The following PPRC1 variants were observed in gnomAD, a reference collection of about 807,000 sequenced individuals.
PPRC1 encodes PPARG related coactivator 1.
In PPRC1, 23 loss-of-function variants were observed where a neutral mutation model predicts 132.5. That is an observed-to-expected ratio of 0.17 (90% CI 0.12 to 0.25). PPRC1 has a LOEUF of 0.25. PPRC1 is among the 10% of genes least tolerant of loss of function. PPRC1 has a pLI of 1.00. For missense variants in PPRC1, 2,006 were observed against 2,089.1 expected (o/e 0.96, Z 0.78); for synonymous variants, 872 against 833.5 (o/e 1.05, Z -0.80).
At chr10:102,126,185 A>T in the PPRC1 span, among the ~76,000 whole-genome samples, 1 of 152,046 alleles carries the variant, frequency 6.6e-6, no homozygotes, top group African/African-American at 2.4e-5. Flanking sequence ...TCTTTCAAGG[A>T]TGAATCTTGA....
chr10:102,129,706 C>T (rs575548082), upstream of PPRC1, among the ~76,000 whole-genome samples: 2 of 152,208 alleles, frequency 1.3e-5, no homozygotes, highest in East Asian at 3.9e-4. Flanking sequence ...CGGGTTCAAG[C>T]GATTCTCCCT....
intron 8 of PPRC1, among the ~76,000 whole-genome samples, chr10:102,146,188 G>A (rs987357429): frequency 6.6e-6 from 1 of 152,202 alleles, no homozygotes; most frequent in African/African-American, 2.4e-5. Flanking sequence ...TTGGGACCTC[G>A]AATGCCATAT....
chr10:102,142,514 G>T (rs993322290), intron 5 of PPRC1, among the ~76,000 whole-genome samples: 1 of 141,802 alleles, frequency 7.1e-6, no homozygotes, highest in Non-Finnish European at 1.5e-5. Context: ...CGCCTCCCGG[G>T]TTCAAGCGAT....
upstream of PPRC1, among the ~76,000 whole-genome samples, chr10:102,128,598 A>C (rs920988550): frequency 2.0e-5 from 3 of 151,244 alleles, no homozygotes; most frequent in Non-Finnish European, 4.4e-5. Context: ...CCCTAAGCCC[A>C]CAGCTGCAGT....
chr10:102,146,761 A>G lies in PPRC1; in HGVS notation c.3769A>G (p.Thr1257Ala). Reference sequence around the variant, plus strand: ...GGCCAAAGCCAAATCTCCTAAGTCCACCGCCCAGGAGGGAACCCTGAAGCC... The same window carrying G: ...GGCCAAAGCCAAATCTCCTAAGTCCGCCGCCCAGGAGGGAACCCTGAAGCC... ...LLAKAKSPKSTAQEGTLKPEG... is the reference protein window; with the variant it reads ...LLAKAKSPKSAAQEGTLKPEG... Residue 1257 changes from threonine to alanine, a missense_variant, in exon 9 of 14, where the codon ACC (threonine) becomes GCC (alanine). Around this residue, in one of 2 missense-constraint regions of PPRC1, gnomAD observed 1,914 missense variants for 1,917.2 expected, o/e 1.00. Coordinates refer to ENST00000278070, the MANE Select transcript of PPRC1 (RefSeq NM_015062.5). The G allele has an allele frequency of 6.2e-7, 1 of 1,613,742 alleles. No individual in the cohort carries two copies. Among genetic ancestry groups the G allele is most frequent in the Non-Finnish European group, 8.5e-7 (1 of 1,179,918 alleles).
Position 102,148,966 on chromosome 10 carries a change from T to C in PPRC1, c.4739+28T>C, listed in dbSNP as rs1393112735. On this transcript the variant is annotated intron_variant, in intron 12 of 13. Coordinates refer to ENST00000278070, the MANE Select transcript of PPRC1 (RefSeq NM_015062.5). This position sits in a 1 kb window ranked among gnomAD's most constrained non-coding sequence, Gnocchi z 4.2. ...AAGCTTGGGCCCCAGGCTCAGGATG[T>C]TCTTTCTATCCCATTCATCTACCTT... The C allele has an allele frequency of 6.2e-7, 1 of 1,611,482 alleles. No homozygotes were observed. Among genetic ancestry groups the C allele is most frequent in the African/African-American group, 1.3e-5 (1 of 74,676 alleles).
At chr10:102,132,594 A>G (rs1590308581), upstream of PPRC1, among the ~76,000 whole-genome samples, 1 of 152,224 alleles carries the variant, frequency 6.6e-6, no homozygotes, top group Admixed American at 6.5e-5. Flanking sequence ...GCAATATGGG[A>G]TTAGGTGAGG....
At position 102,148,541 on chromosome 10, in the gene PPRC1, G is replaced by C; in HGVS notation, c.4550+20G>C. On this transcript the variant is annotated intron_variant, in intron 10 of 13. Transcript: ENST00000278070. The surrounding 1 kb of genome is among the most constrained non-coding windows in gnomAD (Gnocchi z 4.2). Reference sequence around the variant, plus strand: ...GCGGCGGTGAGCATGTGTTCAGGGAGCGCCATGCACCTGGGATGCAGGTGC... The same window carrying C: ...GCGGCGGTGAGCATGTGTTCAGGGACCGCCATGCACCTGGGATGCAGGTGC... The C allele has an allele frequency of 6.2e-7, 1 of 1,612,526 alleles. No homozygotes were observed. Among genetic ancestry groups the C allele is most frequent in the Non-Finnish European group, 8.5e-7 (1 of 1,178,494 alleles).
At chr10:102,138,437 C>T (rs1471582704) in intron 2 of PPRC1, among the ~76,000 whole-genome samples, 182 bp from the exon 3 acceptor site, 1 of 152,180 alleles carries the variant, frequency 6.6e-6, no homozygotes, top group Non-Finnish European at 1.5e-5. Context: ...TCTCTGTTGA[C>T]ACCAAGAGCT....
At chr10:102,138,197 T>C (rs530457663) in intron 2 of PPRC1, among the ~76,000 whole-genome samples, 159 bp downstream of exon 2, 29 of 152,334 alleles carry the variant, frequency 1.9e-4, no homozygotes, top group Admixed American at 1.4e-3. Flanking sequence ...AAGTGGGAAT[T>C]AGGCTGCAGG....
upstream of PPRC1, among the ~76,000 whole-genome samples, chr10:102,129,840 G>T (rs1411137038): frequency 6.6e-6 from 1 of 151,956 alleles, no homozygotes; most frequent in Non-Finnish European, 1.5e-5. Context: ...CCTGACCTCG[G>T]TGATCCGCCT....
At chr10:102,124,148 C>G in the PPRC1 span, among the ~76,000 whole-genome samples, 4 of 151,916 alleles carry the variant, frequency 2.6e-5, no homozygotes, top group African/African-American at 9.7e-5. Context: ...TCACTGCAAC[C>G]GCCGCCTCCC....
Position 102,141,187 on chromosome 10 carries a change from C to T in PPRC1, c.2679C>T (p.Pro893=). 6.2e-7 allele frequency: 1 copy of T among 1,614,068 alleles called. No homozygotes were observed. Among genetic ancestry groups the T allele is most frequent in the Non-Finnish European group, 8.5e-7 (1 of 1,179,952 alleles). The change falls in exon 5 of 14, where the codon CCC becomes CCT. Residue 893 remains proline (P), a synonymous_variant. Coordinates refer to ENST00000278070, the MANE Select transcript of PPRC1 (RefSeq NM_015062.5). ...GGCTTGGCATGCCCCCCAGTCTGCC[C>T]CCACCTCCCTTGCAGCCTCCTAGTC... ...AGGLGMPPSL[P]PPPLQPPSLP...
chr10:102,142,932 C>A, intron 5 of PPRC1, 113 bp from the exon 6 acceptor site: 1 of 899,734 alleles, frequency 1.1e-6, no homozygotes, highest in Non-Finnish European at 1.7e-6. Context: ...TCACTTAGTA[C>A]AGAGGGCAGG....
Position 102,139,143 on chromosome 10 carries a change from C to T in PPRC1, c.635C>T (p.Pro212Leu), listed in dbSNP as rs757888892. 5 of 1,612,002 alleles carry T rather than the reference C, an allele frequency of 3.1e-6. No homozygotes were observed. Among genetic ancestry groups the T allele is most frequent in the South Asian group, 2.2e-5 (2 of 90,926 alleles). Residue 212 changes from proline (P) to leucine (L), a missense_variant, in exon 5 of 14, where the codon CCC becomes CTC. By Grantham distance (98) the Pro-to-Leu change is moderately conservative. This residue lies in a region of PPRC1 where 1,914 missense variants were observed against 1,917.2 expected (regional missense o/e 1.00). Coordinates refer to ENST00000278070, the MANE Select transcript of PPRC1 (RefSeq NM_015062.5). ...GATCCCTCTTGGGACTTCTCCCCAC[C>T]CTCTTTCTTAGAGACCTCTTCCCCC... Reference protein sequence around the residue: ...LPDPSWDFSPPSFLETSSPKL... With the variant: ...LPDPSWDFSPLSFLETSSPKL...
In PPRC1 at chr10:102,141,650, C is replaced by T. The variant is rs140572262; in HGVS notation, c.3142C>T (p.Pro1048Ser). 11 of 1,614,128 alleles carry T rather than the reference C, an allele frequency of 6.8e-6. No homozygotes were observed. In the African/African-American group the frequency reaches 1.3e-4, roughly 20 times the overall value. The part of the protein sequence containing the change: ...LSLGLPGHGA[P>S]QTEPTKVEVK... ...TCTTGGGCTACCTGGCCATGGAGCT[C>T]CTCAGACAGAGCCTACCAAGGTGGA... Residue 1048 changes from proline to serine, a missense_variant, in exon 5 of 14, where the codon CCT becomes TCT. Physicochemically the swap from Pro to Ser is moderately conservative, Grantham distance 74 (BLOSUM62 -1). Around this residue, in one of 2 missense-constraint regions of PPRC1, gnomAD observed 1,914 missense variants for 1,917.2 expected, o/e 1.00. Coordinates refer to ENST00000278070, the MANE Select transcript of PPRC1 (RefSeq NM_015062.5).
intron 1 of PPRC1, among the ~76,000 whole-genome samples, chr10:102,133,862 A>G (rs2068619164): frequency 6.7e-6 from 1 of 149,964 alleles, no homozygotes. Context: ...GCTAGAGTCA[A>G]CTTTGTTCAG....
At chr10:102,142,970 T>G in intron 5 of PPRC1, 75 bp from the exon 6 acceptor site, 3 of 1,317,954 alleles carry the variant, frequency 2.3e-6, no homozygotes, top group South Asian at 1.2e-5. Flanking sequence ...AGTGAGATGA[T>G]TTGGGGGCTT....
intron 8 of PPRC1, among the ~76,000 whole-genome samples, chr10:102,145,582 A>G (rs1370682356): frequency 2.9e-5 from 4 of 140,266 alleles, no homozygotes; most frequent in Non-Finnish European, 6.1e-5. Context: ...AAAAAAAAAA[A>G]TGTCGGGCGC....
Sources: gnomAD v4.1 joint callset for allele counts (sites outside exome capture counted in the v4.1 genomes callset) on GRCh38, gnomAD v4.1.1 for gene constraint, gnomAD v4.1.1 regional missense constraint, Gnocchi (gnomAD v3.1) non-coding constraint, MANE v1.5 for transcripts, NCBI Gene and HGNC (gene_info 2026-07-23, HGNC 2026-07-21) for gene names.